The following TMED8 variants were observed in gnomAD, a reference collection of about 807,000 sequenced individuals.
TMED8 encodes the protein protein TMED8.
A neutral mutation model predicts 32.7 loss-of-function variants in TMED8; 15 were observed. That is an observed-to-expected ratio of 0.46 (90% CI 0.31 to 0.71). The LOEUF is 0.71. TMED8 is among the 30% of genes least tolerant of loss of function. The pLI, the probability that TMED8 is intolerant of heterozygous loss-of-function variation, is 0.06. For missense variants in TMED8, 390 were observed against 423.9 expected (o/e 0.92, Z 0.70); for synonymous variants, 147 against 161.4 (o/e 0.91, Z 0.68).
chr14:77,351,726 A>T lies in TMED8; in HGVS notation c.144T>A (p.Asp48Glu). The change falls in exon 2 of 6, where the codon GAT (aspartate) becomes GAA (glutamate). Residue 48 changes from aspartate to glutamate, a missense_variant. Asp to Glu is a conservative substitution (Grantham distance 45). Coordinates refer to ENST00000216468, the MANE Select transcript of TMED8 (RefSeq NM_213601.3). The part of the protein sequence containing the change: ...ASENEDLENK[D>E]TSLLASATDP... ...CGGTGGCAGAAGCCAATAAAGAGGT[A>T]TCCTTGTTTTCTAGATCTTCATTCT... 1 of 1,613,432 alleles carries T rather than the reference A, an allele frequency of 6.2e-7. No individual in the cohort carries two copies. The highest frequency in any genetic ancestry group is 8.5e-7 in the Non-Finnish European group (1 of 1,179,662).
intron 1 of TMED8, among the ~76,000 whole-genome samples, chr14:77,366,930 A>G (rs978419360): frequency 6.6e-6 from 1 of 152,140 alleles, no homozygotes; most frequent in African/African-American, 2.4e-5. Flanking sequence ...TACTAACTAC[A>G]TTATACACTG....
intron 1 of TMED8, among the ~76,000 whole-genome samples, chr14:77,369,392 C>T (rs377606516): frequency 1.2e-4 from 19 of 152,318 alleles, no homozygotes; most frequent in Admixed American, 3.9e-4. Flanking sequence ...ACCCAAAAAT[C>T]CCAATTCATG....
chr14:77,372,933 T>TAC (rs1893715287), intron 1 of TMED8, among the ~76,000 whole-genome samples: 2 of 34,460 alleles, frequency 5.8e-5, no homozygotes, highest in African/African-American at 3.7e-4. Context: ...TATATATATA[T>TAC]ATATATATAT....
chr14:77,349,747 G>C (rs1267056903), intron 2 of TMED8, among the ~76,000 whole-genome samples: 1 of 152,180 alleles, frequency 6.6e-6, no homozygotes, highest in Non-Finnish European at 1.5e-5. Context: ...ATTACTGCCT[G>C]ACATGATATG....
At chr14:77,343,566 G>A (rs1892959701) in intron 4 of TMED8, 83 bp from the exon 5 acceptor site, 3 of 1,579,044 alleles carry the variant, frequency 1.9e-6, no homozygotes, top group Non-Finnish European at 2.6e-6. Flanking sequence ...GGCTGGCACA[G>A]TCAGACATTC....
intron 1 of TMED8, among the ~76,000 whole-genome samples, chr14:77,356,308 C>A (rs1893291601): frequency 6.6e-6 from 1 of 152,170 alleles, no homozygotes; most frequent in African/African-American, 2.4e-5. Context: ...CCTTTCCTAT[C>A]CTATATTCCC....
chr14:77,366,919 T>G (rs1478612812), intron 1 of TMED8, among the ~76,000 whole-genome samples: 1 of 152,116 alleles, frequency 6.6e-6, no homozygotes, highest in Non-Finnish European at 1.5e-5. Context: ...GTCAGCATTC[T>G]TACTAACTAC....
rs1252009634 is a variant in TMED8 at position 77,337,217 on chromosome 14, T to G, written c.*4554A>C. On this transcript the variant is annotated 3_prime_UTR_variant, in exon 6 of 6. Transcript: ENST00000216468. ...TAAGGATTGAGTTTTAATATCAGAG[T>G]CCTGAGGACATGTCATCAAGCAACA... The G allele has an allele frequency of 6.6e-6, 1 of 152,020 alleles. No individual in the cohort carries two copies. Among genetic ancestry groups the G allele is most frequent in the Non-Finnish European group, 1.5e-5 (1 of 68,014 alleles). The allele number at this position is 152,020 out of a possible 1,614,324, so 9.4% of individuals were successfully genotyped here. A position where few individuals can be genotyped will look rare whatever the true frequency, so the allele number is the denominator to read the frequency against.
chr14:77,344,184 C>T (rs1892976505), intron 3 of TMED8, among the ~76,000 whole-genome samples: 2 of 152,206 alleles, frequency 1.3e-5, no homozygotes, highest in Non-Finnish European at 1.5e-5. Flanking sequence ...CACAGTACCT[C>T]CCTGTGGCTC....
At position 77,343,457 on chromosome 14, in the gene TMED8, A is replaced by G; in HGVS notation, c.481T>C (p.Cys161Arg). 1.9e-6 allele frequency: 3 copies of G among 1,613,590 alleles called. No individual in the cohort carries two copies. The highest frequency in any genetic ancestry group is 2.5e-6 in the Non-Finnish European group (3 of 1,179,774). ...KVSPPLMAPP[C>R]IWTFAKVKEF... ...TTCACCTTGGCAAAGGTCCAGATGC[A>G]TGGAGGAGCCATCAGAGGTGGGGAG... Residue 161 changes from cysteine (C) to arginine (R), a missense_variant, in exon 5 of 6, where the codon TGC (cysteine) becomes CGC (arginine). Cys to Arg is a radical substitution (Grantham distance 180). Coordinates refer to ENST00000216468, the MANE Select transcript of TMED8 (RefSeq NM_213601.3).
chr14:77,338,045 G>C lies in TMED8; in HGVS notation c.*3726C>G, dbSNP rs1179067104. The C allele has an allele frequency of 2.0e-5, 3 of 152,042 alleles. No individual in the cohort carries two copies. Among genetic ancestry groups the C allele is most frequent in the Non-Finnish European group, 4.4e-5 (3 of 68,014 alleles). 9.4% of individuals were successfully genotyped at this position (152,042 alleles called of 1,614,324 possible). On this transcript the variant is annotated 3_prime_UTR_variant, in exon 6 of 6. Transcript: ENST00000216468. ...GGAAGACAGGGTGCCTCATATTATG[G>C]TCAGATTACAGGGTGCCTCATATTA... is the stretch of plus-strand genomic sequence containing the variant.
chr14:77,342,819 T>C (rs1566683569), intron 5 of TMED8, among the ~76,000 whole-genome samples: 2 of 152,204 alleles, frequency 1.3e-5, no homozygotes, highest in Non-Finnish European at 2.9e-5. Flanking sequence ...CAAGAATAAA[T>C]ATCTACAAAC....
chr14:77,373,322 AAAC>A (rs1161582765), intron 1 of TMED8, among the ~76,000 whole-genome samples: 2 of 151,978 alleles, frequency 1.3e-5, no homozygotes, highest in African/African-American at 4.8e-5. Flanking sequence ...ACAAAAACAA[AAAC>A]AAAAAAACCT....
At chr14:77,366,705 T>C (rs1466070740) in intron 1 of TMED8, among the ~76,000 whole-genome samples, 1 of 152,216 alleles carries the variant, frequency 6.6e-6, no homozygotes, top group African/African-American at 2.4e-5. Context: ...ACTTACTATA[T>C]GTCAATTATT....
At chr14:77,374,874 G>C (rs557909684) in intron 1 of TMED8, among the ~76,000 whole-genome samples, 1 of 152,248 alleles carries the variant, frequency 6.6e-6, no homozygotes, top group Non-Finnish European at 1.5e-5. Context: ...AACACCTTGA[G>C]GACAGAGACC....
chr14:77,352,810 T>C (rs1264547853), intron 1 of TMED8, among the ~76,000 whole-genome samples: 1 of 152,138 alleles, frequency 6.6e-6, no homozygotes, highest in Non-Finnish European at 1.5e-5. Context: ...AGGCAGAACA[T>C]AGAGGGCAGA....
intron 1 of TMED8, among the ~76,000 whole-genome samples, chr14:77,358,758 A>T (rs1325831187): frequency 6.6e-6 from 1 of 152,234 alleles, no homozygotes; most frequent in Non-Finnish European, 1.5e-5. Flanking sequence ...AACTAAGGAT[A>T]TGGATATTAT....
intron 2 of TMED8, among the ~76,000 whole-genome samples, chr14:77,350,861 C>T (rs1594844257): frequency 6.6e-6 from 1 of 152,110 alleles, no homozygotes; most frequent in Admixed American, 6.5e-5. Flanking sequence ...GTGCCACCCA[C>T]ATAAATTTAA....
At chr14:77,371,477 T>A (rs1893678852) in intron 1 of TMED8, among the ~76,000 whole-genome samples, 1 of 152,252 alleles carries the variant, frequency 6.6e-6, no homozygotes, top group South Asian at 2.1e-4. Flanking sequence ...TTTCTTTCCA[T>A]CCCATAAGGA....
Sources: allele counts gnomAD v4.1 joint callset (sites outside exome capture counted in the v4.1 genomes callset), GRCh38; gene constraint gnomAD v4.1.1; transcripts MANE v1.5; gene names NCBI Gene and HGNC (gene_info 2026-07-23, HGNC 2026-07-21).